The following VWC2 variants were observed in gnomAD, a reference collection of about 807,000 sequenced individuals.
The protein encoded by VWC2 is brorin.
VWC2 carries 14 observed loss-of-function variants against 29.8 expected under a neutral mutation model. The ratio of observed to expected loss-of-function variants is 0.47; its 90% CI spans 0.31 to 0.74. The LOEUF is 0.74. VWC2 is among the 30% of genes least tolerant of loss of function. The pLI is 0.05. For synonymous variants in VWC2, 213 were observed against 199.0 expected (o/e 1.07, Z -0.59); for missense variants, 457 against 459.8 (o/e 0.99, Z 0.05).
chr7:49,884,097 A>G (rs1352795136), intron 3 of VWC2, among the ~76,000 whole-genome samples: 1 of 152,180 alleles, frequency 6.6e-6, no homozygotes, highest in Admixed American at 6.5e-5. Context: ...CCAGCTGCAA[A>G]CCTGTCAGGC....
At chr7:49,826,830 C>T (rs1476321721) in intron 3 of VWC2, among the ~76,000 whole-genome samples, 1 of 152,124 alleles carries the variant, frequency 6.6e-6, no homozygotes. Context: ...TTAACAGACT[C>T]TGGCCCCTGA....
At chr7:49,824,338 T>G (rs756583116) in intron 3 of VWC2, among the ~76,000 whole-genome samples, 1 of 152,168 alleles carries the variant, frequency 6.6e-6, no homozygotes, top group Non-Finnish European at 1.5e-5. Flanking sequence ...AAGATTACCT[T>G]TTTCCTATTG....
At chr7:49,810,575 A>T (rs994697034) in intron 3 of VWC2, among the ~76,000 whole-genome samples, 2 of 152,154 alleles carry the variant, frequency 1.3e-5, no homozygotes, top group Non-Finnish European at 2.9e-5. Flanking sequence ...GCCAAAAGAA[A>T]TTTTTAAAAG....
At chr7:49,879,115 T>C (rs912773386) in intron 3 of VWC2, among the ~76,000 whole-genome samples, 1 of 152,174 alleles carries the variant, frequency 6.6e-6, no homozygotes, top group Non-Finnish European at 1.5e-5. Flanking sequence ...TTTTTCTTAT[T>C]TATCTCCACT....
At chr7:49,797,843 A>G (rs555679379) in intron 2 of VWC2, among the ~76,000 whole-genome samples, 35 of 152,342 alleles carry the variant, frequency 2.3e-4, no homozygotes, top group African/African-American at 7.7e-4. Context: ...CAAATGCCCA[A>G]CTGTTTCTCC....
intron 2 of VWC2, among the ~76,000 whole-genome samples, chr7:49,799,170 G>A (rs1324358580): frequency 1.3e-5 from 2 of 152,248 alleles, no homozygotes; most frequent in African/African-American, 4.8e-5. Flanking sequence ...ACACTGGCAA[G>A]TGGCCCAGTG....
intron 3 of VWC2, among the ~76,000 whole-genome samples, chr7:49,837,715 ATACT>A (rs1429605349): frequency 1.3e-5 from 2 of 152,320 alleles, no homozygotes; most frequent in Non-Finnish European, 1.5e-5. Context: ...TGCTTTCCAA[ATACT>A]TACTTACCAG....
chr7:49,792,394 C>G (rs1788480928), intron 2 of VWC2, among the ~76,000 whole-genome samples: 1 of 152,216 alleles, frequency 6.6e-6, no homozygotes, highest in Non-Finnish European at 1.5e-5. Context: ...TCCTCTCCCG[C>G]TGTGTGCATT....
chr7:49,911,976 T>G, intron 3 of VWC2, 58 bp from the exon 4 acceptor site: 4 of 1,263,164 alleles, frequency 3.2e-6, no homozygotes, highest in Non-Finnish European at 4.2e-6. Context: ...TAATACCTAA[T>G]TATATATATT....
chr7:49,901,081 A>G (rs1792698538), intron 3 of VWC2: 1 of 151,936 alleles, frequency 6.6e-6, no homozygotes, highest in Admixed American at 6.6e-5. Flanking sequence ...CAACTTGATA[A>G]AGACTATTTA....
At chr7:49,892,661 A>G (rs983582941) in intron 3 of VWC2, among the ~76,000 whole-genome samples, 1 of 152,170 alleles carries the variant, frequency 6.6e-6, no homozygotes, top group South Asian at 2.1e-4. Context: ...GGCCTATGTA[A>G]TAATACTTGC....
chr7:49,801,179 T>C (rs1788728744), intron 2 of VWC2, among the ~76,000 whole-genome samples: 1 of 152,164 alleles, frequency 6.6e-6, no homozygotes, highest in Admixed American at 6.5e-5. Flanking sequence ...GAGATTTCAG[T>C]TTTTAGTGTT....
intron 2 of VWC2, among the ~76,000 whole-genome samples, chr7:49,792,171 G>A (rs1357034577): frequency 2.6e-5 from 4 of 152,180 alleles, no homozygotes; most frequent in African/African-American, 9.7e-5. Flanking sequence ...TTTAGTATCC[G>A]AGTTGTTTCC....
chr7:49,870,863 A>G (rs1290306324), intron 3 of VWC2, among the ~76,000 whole-genome samples: 2 of 152,270 alleles, frequency 1.3e-5, no homozygotes, highest in African/African-American at 4.8e-5. Flanking sequence ...TCAAGAAACC[A>G]TCAACAAAAC....
intron 3 of VWC2, among the ~76,000 whole-genome samples, chr7:49,844,649 ACACGTAGCAGC>A (rs752170483): frequency 2.6e-5 from 4 of 152,148 alleles, no homozygotes; most frequent in Non-Finnish European, 4.4e-5. Context: ...AATGGATCTG[ACACGTAGCAGC>A]CACATTACCT....
At chr7:49,851,295 A>G (rs771218653) in intron 3 of VWC2, among the ~76,000 whole-genome samples, 1 of 152,008 alleles carries the variant, frequency 6.6e-6, no homozygotes, top group Non-Finnish European at 1.5e-5. Flanking sequence ...GACCCTTCTT[A>G]ATTACATTTG....
chr7:49,818,363 C>T (rs1789194697), intron 3 of VWC2, among the ~76,000 whole-genome samples: 1 of 152,148 alleles, frequency 6.6e-6, no homozygotes, highest in African/African-American at 2.4e-5. Context: ...ATTTTGGGTG[C>T]ACAGAAAGAA....
chr7:49,791,209 C>T (rs987725003), intron 2 of VWC2, among the ~76,000 whole-genome samples: 4 of 152,164 alleles, frequency 2.6e-5, no homozygotes, highest in African/African-American at 4.8e-5. Context: ...CTTGCCTCTA[C>T]GTGCACCCTA....
At chr7:49,802,864 C>T (rs367919999) in intron 3 of VWC2, 24 bp downstream of exon 3, 81 of 1,613,758 alleles carry the variant, frequency 5.0e-5, no homozygotes, top group African/African-American at 4.4e-4. Context: ...CCGTTGGTGA[C>T]GGGGTGCACC....
Sources: allele counts gnomAD v4.1 joint callset (sites outside exome capture counted in the v4.1 genomes callset), GRCh38; gene constraint gnomAD v4.1.1; transcripts MANE v1.5; gene names NCBI Gene and HGNC (gene_info 2026-07-23, HGNC 2026-07-21).